CTNNA2: variants seen among roughly 807,000 people sequenced by gnomAD.
CTNNA2 encodes the protein catenin alpha-2.
Under a neutral mutation model 101.0 loss-of-function variants are expected in CTNNA2, and 42 were observed. The ratio of observed to expected loss-of-function variants is 0.42; its 90% CI spans 0.32 to 0.54. The LOEUF (loss-of-function observed/expected upper bound fraction) is 0.54. Ranked by LOEUF, CTNNA2 falls within the 20% of genes least tolerant of loss-of-function variation. The pLI is 0.14. For missense variants in CTNNA2, 871 were observed against 1,223.1 expected, an observed-to-expected ratio of 0.71 and a Z score of 4.29; for synonymous variants, 450 against 456.4, an observed-to-expected ratio of 0.99 and a Z score of 0.18.
At chr2:80,403,621 T>G (rs558105107) in intron 8 of CTNNA2, among the ~76,000 whole-genome samples, 3 of 152,352 alleles carry the variant, frequency 2.0e-5, no homozygotes, top group African/African-American at 7.2e-5. Flanking sequence ...TAATTTACTC[T>G]ACACATAATG....
At chr2:79,960,736 C>G (rs1309509759) in intron 7 of CTNNA2, among the ~76,000 whole-genome samples, 1 of 151,898 alleles carries the variant, frequency 6.6e-6, no homozygotes, top group Non-Finnish European at 1.5e-5. Context: ...TTCACTAGGC[C>G]CATTGGATCT....
rs146021981 is a variant in CTNNA2, at chr2:80,261,461, G to A, written c.1057-131750G>A. ...CAGTTTGCGTGCTCTCAAGCACTGC[G>A]TAATATATTTTTTAACACCAGTTTG... On this transcript the variant is annotated intron_variant, in intron 7 of 18. Transcript: ENST00000402739. 5.7e-4 allele frequency among the ~76,000 whole-genome samples: 87 copies of A among 152,082 alleles called. No individual in the cohort carries two copies. In the East Asian group the frequency reaches 7.6e-3, roughly 13 times the overall value.
At chr2:79,702,634 G>C (rs1558853574) in intron 2 of CTNNA2, among the ~76,000 whole-genome samples, 1 of 152,256 alleles carries the variant, frequency 6.6e-6, no homozygotes, top group East Asian at 1.9e-4. Context: ...TAGTTAATTT[G>C]CCTCCTTTCA....
At chr2:80,480,225 G>T (rs913063344) in intron 9 of CTNNA2, among the ~76,000 whole-genome samples, 1 of 151,916 alleles carries the variant, frequency 6.6e-6, no homozygotes, top group Non-Finnish European at 1.5e-5. Flanking sequence ...TTTCCTACAT[G>T]GAATTGGACA....
rs546230887 is a variant in CTNNA2 at position 80,262,286 on chromosome 2, C to T, written c.1057-130925C>T. Among the ~76,000 whole-genome samples, 212 of 152,076 alleles carry T rather than the reference C, an allele frequency of 1.4e-3. 1 individual carries two copies. Among genetic ancestry groups the T allele is most frequent in the African/African-American group, 4.8e-3 (201 of 41,478 alleles). On this transcript the variant is annotated intron_variant, in intron 7 of 18. Transcript: ENST00000402739. ...TATAAAGTAAATTTTGATAATCTTT[C>T]CATTTGTTAATATAAATTTTATTGG...
intron 3 of CTNNA2, among the ~76,000 whole-genome samples, chr2:79,807,582 T>A (rs1392024630): frequency 6.6e-6 from 1 of 152,198 alleles, no homozygotes; most frequent in Non-Finnish European, 1.5e-5. Flanking sequence ...TTATATTTTA[T>A]TCAGTGTTCA....
At chr2:80,258,335 C>A (rs970801380) in intron 7 of CTNNA2, among the ~76,000 whole-genome samples, 1 of 152,098 alleles carries the variant, frequency 6.6e-6, no homozygotes, top group Non-Finnish European at 1.5e-5. Flanking sequence ...TGCAGCTGTT[C>A]CTAAATCAAA....
At chr2:80,235,155 G>A (rs1035267439) in intron 7 of CTNNA2, among the ~76,000 whole-genome samples, 2 of 152,078 alleles carry the variant, frequency 1.3e-5, no homozygotes, top group Non-Finnish European at 2.9e-5. Flanking sequence ...TTTGTCCATT[G>A]TTACTTTAAT....
intron 2 of CTNNA2, among the ~76,000 whole-genome samples, chr2:79,249,186 A>G (rs986120518): frequency 6.6e-6 from 1 of 152,204 alleles, no homozygotes; most frequent in Admixed American, 6.5e-5. Context: ...AATGCATGAA[A>G]ACTCCTGACA....
chr2:79,230,609 C>G (rs1175415630), intron 2 of CTNNA2, among the ~76,000 whole-genome samples: 1 of 152,220 alleles, frequency 6.6e-6, no homozygotes, highest in Non-Finnish European at 1.5e-5. Context: ...AGAGTCCATA[C>G]TGGGGCACCA....
chr2:80,302,644 G>A lies in CTNNA2; in HGVS notation c.1057-90567G>A, dbSNP rs1206857824. The A allele has an allele frequency of 1.9e-6, 3 of 1,608,328 alleles. No individual in the cohort carries two copies. Among genetic ancestry groups the A allele is most frequent in the Non-Finnish European group, 2.5e-6 (3 of 1,178,700 alleles). ...GCCCCTCCCCGCCGTCCGCGAGCGT[G>A]GTGGCCGAGCTGGCAGGGGGCCCCA... is the stretch of plus-strand genomic sequence containing the variant. On this transcript the variant is annotated intron_variant, in intron 7 of 18. Coordinates refer to ENST00000402739, the MANE Select transcript of CTNNA2 (RefSeq NM_001282597.3). This position sits in a 1 kb window ranked among gnomAD's most constrained non-coding sequence, Gnocchi z 6.4.
intron 4 of CTNNA2, among the ~76,000 whole-genome samples, chr2:79,380,338 A>G (rs912143995): frequency 3.7e-4 from 56 of 151,888 alleles, no homozygotes; most frequent in Non-Finnish European, 7.1e-4. Flanking sequence ...ATAACCCTGA[A>G]GGCAGCAGCA....
intron 7 of CTNNA2, among the ~76,000 whole-genome samples, chr2:80,094,797 GCTCT>G (rs1259337738): frequency 1.3e-5 from 2 of 152,090 alleles, no homozygotes; most frequent in South Asian, 2.1e-4. Context: ...TCATGATTTG[GCTCT>G]CTGTTTGTCT....
At chr2:79,750,600 C>T (rs1671959699) in intron 3 of CTNNA2, among the ~76,000 whole-genome samples, 1 of 152,190 alleles carries the variant, frequency 6.6e-6, no homozygotes. Context: ...TGGCGACTTG[C>T]GCCTATAATC....
rs143389405 is a variant in CTNNA2, at chr2:79,681,012, T to C, written c.102+29354T>C. ...TAAAAAAAGAAAAAGCAAAATTACTTGGGTGGCTGGTGCACACCTGTGGTC... is the reference window on the plus strand; with the variant it reads ...TAAAAAAAGAAAAAGCAAAATTACTCGGGTGGCTGGTGCACACCTGTGGTC... On this transcript the variant is annotated intron_variant, in intron 2 of 18. Coordinates refer to ENST00000402739, the MANE Select transcript of CTNNA2 (RefSeq NM_001282597.3). 1.3e-3 allele frequency among the ~76,000 whole-genome samples: 198 copies of C among 152,026 alleles called. 1 individual carries two copies. The highest frequency in any genetic ancestry group is 4.3e-3 in the African/African-American group (178 of 41,340).
At chr2:79,317,879 T>G (rs1481494976) in intron 3 of CTNNA2, among the ~76,000 whole-genome samples, 1 of 152,104 alleles carries the variant, frequency 6.6e-6, no homozygotes, top group Non-Finnish European at 1.5e-5. Flanking sequence ...TTTATCAATA[T>G]GGACATAATT....
intron 9 of CTNNA2, among the ~76,000 whole-genome samples, chr2:80,505,701 CA>C (rs1354993473): frequency 6.6e-6 from 1 of 152,188 alleles, no homozygotes; most frequent in African/African-American, 2.4e-5. Flanking sequence ...CAGTAAGCCT[CA>C]TGTACATTTC....
chr2:79,868,332 T>C (rs1034983372), intron 4 of CTNNA2, among the ~76,000 whole-genome samples: 1 of 152,194 alleles, frequency 6.6e-6, no homozygotes, highest in African/African-American at 2.4e-5. Flanking sequence ...CTGCCACCAG[T>C]ATCATTCCAA....
chr2:79,723,949 T>G lies in CTNNA2; in HGVS notation c.103-20438T>G, dbSNP rs111349188. On this transcript the variant is annotated intron_variant, in intron 2 of 18. Coordinates refer to ENST00000402739, the MANE Select transcript of CTNNA2 (RefSeq NM_001282597.3). ...TCCTGCCTCTAGATCCCTCAGCTAC[T>G]GCCTTGGTCTTGCGTCTGATGCACA... Among the ~76,000 whole-genome samples, 101 of 152,324 alleles carry G rather than the reference T, an allele frequency of 6.6e-4. 2 individuals carry two copies. The highest frequency in any genetic ancestry group is 2.3e-3 in the African/African-American group (96 of 41,580).
Sources: allele counts gnomAD v4.1 joint callset (sites outside exome capture counted in the v4.1 genomes callset), GRCh38; gene constraint gnomAD v4.1.1; non-coding constraint Gnocchi (gnomAD v3.1); transcripts MANE v1.5; gene names NCBI Gene and HGNC (gene_info 2026-07-23, HGNC 2026-07-21).